Variants in CEP128 observed in about 807,000 individuals in gnomAD.
CEP128 encodes centrosomal protein 128kDa.
A neutral mutation model predicts 156.7 loss-of-function variants in CEP128; 132 were observed. The ratio of observed to expected loss-of-function variants is 0.84; its 90% CI spans 0.73 to 0.97. CEP128 has a LOEUF of 0.97. Ranked by LOEUF, CEP128 falls within the 50% of genes least tolerant of loss-of-function variation. CEP128 has a pLI of 0.00. For synonymous variants in CEP128, 469 were observed against 448.9 expected, an observed-to-expected ratio of 1.04 and a Z score of -0.57; for missense variants, 1,252 against 1,281.9, an observed-to-expected ratio of 0.98 and a Z score of 0.36.
chr14:80,770,328 G>T (rs11847818), intron 16 of CEP128, among the ~76,000 whole-genome samples: 32 of 152,180 alleles, frequency 2.1e-4, no homozygotes, highest in African/African-American at 7.7e-4. Context: ...TCAGAAAGTA[G>T]AAACCAGAAG....
chr14:80,855,361 TTG>T (rs1192273940), intron 9 of CEP128, among the ~76,000 whole-genome samples: 4 of 152,296 alleles, frequency 2.6e-5, no homozygotes, highest in African/African-American at 9.6e-5. Context: ...TTCCACAGGA[TTG>T]TGTTTGACTT....
chr14:80,494,160 A>G (rs574526564), downstream of CEP128, among the ~76,000 whole-genome samples: 1 of 152,370 alleles, frequency 6.6e-6, no homozygotes, highest in Admixed American at 6.5e-5. Context: ...CTATTTTCAT[A>G]TCAAATTTTG....
intron 2 of CEP128, among the ~76,000 whole-genome samples, chr14:80,923,274 C>A (rs926015266): frequency 3.3e-5 from 5 of 152,194 alleles, no homozygotes; most frequent in Non-Finnish European, 7.3e-5. Flanking sequence ...CCATCTGAAA[C>A]AAATGCCCAT....
rs1888087309 is a variant in CEP128 at position 80,508,425 on chromosome 14, C to A, written c.3073-3405G>T. On this transcript the variant is annotated intron_variant, in intron 23 of 24. Coordinates refer to ENST00000555265, the MANE Select transcript of CEP128 (RefSeq NM_152446.5). ...TATAAATATCTATTTGTATGGAGATCACCTTCGTTGATGATTTCGTTTCCT... is the reference window on the plus strand; with the variant it reads ...TATAAATATCTATTTGTATGGAGATAACCTTCGTTGATGATTTCGTTTCCT... Among the ~76,000 whole-genome samples, 3 of 152,118 alleles carry A rather than the reference C, an allele frequency of 2.0e-5. No homozygotes were observed. In the South Asian group the frequency reaches 6.2e-4, roughly 32 times the overall value.
At chr14:80,816,722 C>T (rs892816391) in intron 13 of CEP128, among the ~76,000 whole-genome samples, 12 of 152,056 alleles carry the variant, frequency 7.9e-5, no homozygotes, top group African/African-American at 2.2e-4. Flanking sequence ...CGGCTAAGGA[C>T]GCTGTCAAAA....
At chr14:80,602,240 G>T (rs1892610117) in intron 19 of CEP128, among the ~76,000 whole-genome samples, 1 of 152,028 alleles carries the variant, frequency 6.6e-6, no homozygotes, top group Admixed American at 6.6e-5. Flanking sequence ...AATAATAGTT[G>T]GAGACTGTAA....
At chr14:80,637,117 A>G (rs1053949661) in intron 19 of CEP128, among the ~76,000 whole-genome samples, 1 of 151,590 alleles carries the variant, frequency 6.6e-6, no homozygotes, top group African/African-American at 2.4e-5. Context: ...GAAAATACAA[A>G]TCTGTCCATG....
chr14:80,813,912 A>C (rs1884701894), intron 13 of CEP128, among the ~76,000 whole-genome samples: 1 of 152,150 alleles, frequency 6.6e-6, no homozygotes, highest in South Asian at 2.1e-4. Context: ...TGTACTGCTG[A>C]AATTCAATTA....
chr14:80,635,066 A>G (rs1419706458), intron 19 of CEP128, among the ~76,000 whole-genome samples: 3 of 152,174 alleles, frequency 2.0e-5, no homozygotes, highest in African/African-American at 7.2e-5. Context: ...CTCTTTTCGT[A>G]GAAGCCAGTT....
chr14:80,495,497 C>A (rs1484474876), downstream of CEP128, among the ~76,000 whole-genome samples: 1 of 151,972 alleles, frequency 6.6e-6, no homozygotes, highest in African/African-American at 2.4e-5. Flanking sequence ...CCAACAGTAG[C>A]ACAGAGCATT....
chr14:80,852,860 G>A (rs1172665889), intron 9 of CEP128, among the ~76,000 whole-genome samples: 1 of 151,486 alleles, frequency 6.6e-6, no homozygotes, highest in Non-Finnish European at 1.5e-5. Flanking sequence ...TCAGTGCAAG[G>A]AAAACTAATC....
chr14:80,847,528 T>C (rs965599990), intron 9 of CEP128, among the ~76,000 whole-genome samples: 2 of 152,184 alleles, frequency 1.3e-5, no homozygotes, highest in Non-Finnish European at 2.9e-5. Context: ...AAAATGATAG[T>C]AGGTCAAAAT....
chr14:80,868,924 G>C (rs1887900683), intron 8 of CEP128, among the ~76,000 whole-genome samples: 1 of 152,040 alleles, frequency 6.6e-6, no homozygotes, highest in South Asian at 2.1e-4. Flanking sequence ...TAATTATAAA[G>C]GAGTCAATTC....
chr14:80,644,164 C>A (rs1157962972), intron 19 of CEP128, among the ~76,000 whole-genome samples: 1 of 152,206 alleles, frequency 6.6e-6, no homozygotes, highest in Admixed American at 6.5e-5. Context: ...CTACAGCCTG[C>A]AGAGCAAGCA....
intron 16 of CEP128, among the ~76,000 whole-genome samples, chr14:80,774,637 ATGTGTGTGTGTG>A (rs151337408): frequency 2.0e-5 from 3 of 150,450 alleles, no homozygotes; most frequent in Non-Finnish European, 3.0e-5. Flanking sequence ...GTGTGTGTGT[ATGTGTGTGTGTG>A]TGTATACACA....
intron 14 of CEP128, among the ~76,000 whole-genome samples, chr14:80,790,299 A>C (rs1468615658): frequency 6.6e-6 from 1 of 152,162 alleles, no homozygotes; most frequent in Non-Finnish European, 1.5e-5. Context: ...AATATGAAAA[A>C]AAATGGAAAC....
chr14:80,749,954 C>T (rs1412359081), intron 18 of CEP128, among the ~76,000 whole-genome samples: 1 of 151,998 alleles, frequency 6.6e-6, no homozygotes, highest in East Asian at 1.9e-4. Context: ...AGAGATAAAT[C>T]TGAAGGAATA....
At chr14:80,799,322 T>C (rs2139876270) in intron 13 of CEP128, among the ~76,000 whole-genome samples, 1 of 152,368 alleles carries the variant, frequency 6.6e-6, no homozygotes, top group East Asian at 1.9e-4. Flanking sequence ...CTTTAATCTC[T>C]TAATCCTGTT....
chr14:80,529,369 A>T (rs1889122580), intron 22 of CEP128, among the ~76,000 whole-genome samples: 1 of 152,240 alleles, frequency 6.6e-6, no homozygotes, highest in Non-Finnish European at 1.5e-5. Flanking sequence ...GTCTGTATGT[A>T]TATGAGCTAG....
Sources: gnomAD v4.1 joint callset for allele counts (sites outside exome capture counted in the v4.1 genomes callset) on GRCh38, gnomAD v4.1.1 for gene constraint, MANE v1.5 for transcripts, NCBI Gene and HGNC (gene_info 2026-07-23, HGNC 2026-07-21) for gene names.